HERC4: variants seen among roughly 807,000 people sequenced by gnomAD.
HERC4 encodes the protein probable E3 ubiquitin-protein ligase HERC4.
A neutral mutation model predicts 124.3 loss-of-function variants in HERC4; 28 were observed. The ratio of observed to expected loss-of-function variants is 0.23; its 90% CI spans 0.17 to 0.31. HERC4 has a LOEUF of 0.31. Ranked by LOEUF, HERC4 falls within the 10% of genes least tolerant of loss-of-function variation. The pLI is 1.00. For missense variants in HERC4, 713 were observed against 1,229.3 expected, an observed-to-expected ratio of 0.58 and a Z score of 6.28; for synonymous variants, 407 against 421.5, an observed-to-expected ratio of 0.97 and a Z score of 0.42.
chr10:68,055,947 T>C (rs191426310), intron 3 of HERC4, among the ~76,000 whole-genome samples: 2,497 of 152,114 alleles, frequency 0.016, 76 homozygotes, highest in African/African-American at 0.057. Flanking sequence ...AGGGGGGGTT[T>C]CACCATGTTG....
Position 68,034,126 on chromosome 10 carries a change from C to T in HERC4, c.524G>A (p.Cys175Tyr), listed in dbSNP as rs1417112587. The part of the protein sequence containing the change: ...KYGQLGLGTD[C>Y]KKQTSPQLLK... ...CAGCTGCGGTGAAGTTTGCTTTTTA[C>T]AGTCAGTACCTAAACCCAATTGGCC... Residue 175 changes from cysteine to tyrosine, a missense_variant, in exon 6 of 25, where the codon TGT (cysteine) becomes TAT (tyrosine). Transcript: ENST00000373700. 5.0e-6 allele frequency: 8 copies of T among 1,614,028 alleles called. No homozygotes were observed. The African/African-American group carries it at 6.7e-5, about 13-fold the overall frequency.
intron 3 of HERC4, among the ~76,000 whole-genome samples, chr10:68,053,990 T>A (rs1449235758): frequency 2.0e-5 from 3 of 152,212 alleles, no homozygotes; most frequent in Non-Finnish European, 4.4e-5. Context: ...TCATTTCAAC[T>A]CTTTAGTACA....
chr10:67,957,833 A>C lies in HERC4; in HGVS notation c.1927-857T>G, dbSNP rs979605550. Among the ~76,000 whole-genome samples the C allele has an allele frequency of 3.9e-5, 6 of 152,100 alleles. No individual in the cohort carries two copies. In the East Asian group the frequency reaches 9.7e-4, roughly 24 times the overall value. ...CTGCATTTTTTTTTCCCCCATACAGAGTCTTGCACTGATGCCGGGGCTGGA... is the reference window on the plus strand; with the variant it reads ...CTGCATTTTTTTTTCCCCCATACAGCGTCTTGCACTGATGCCGGGGCTGGA... On this transcript the variant is annotated intron_variant, in intron 16 of 24. Coordinates refer to ENST00000373700, the MANE Select transcript of HERC4 (RefSeq NM_015601.4).
Position 68,049,590 on chromosome 10 carries a change from C to CAAAAAAAAAA in HERC4, c.227-5037_227-5028dup, listed in dbSNP as rs766514516. ...TGGGTGACAGAGTGAGACACTGCCA[C>CAAAAAAAAAA]AAAAAAAAAAAAAAAAAAAAAAACA... On this transcript the variant is annotated intron_variant, in intron 3 of 24. Transcript: ENST00000373700. 8.2e-4 allele frequency among the ~76,000 whole-genome samples: 35 copies of CAAAAAAAAAA among 42,608 alleles called. 2 individuals are homozygous for CAAAAAAAAAA. The highest frequency in any genetic ancestry group is 3.9e-3 in the African/African-American group (33 of 8,524). The allele number at this position is 42,608 out of a possible 152,430, so 28.0% of individuals were successfully genotyped here.
chr10:67,971,922 A>C (rs1183724671), intron 15 of HERC4, among the ~76,000 whole-genome samples: 2 of 152,096 alleles, frequency 1.3e-5, no homozygotes, highest in Admixed American at 1.3e-4. Flanking sequence ...AACTCAATTG[A>C]TTTTCTCTAG....
At chr10:67,946,018 G>A (rs566962733) in intron 19 of HERC4, among the ~76,000 whole-genome samples, 2 of 152,102 alleles carry the variant, frequency 1.3e-5, no homozygotes, top group Non-Finnish European at 1.5e-5. Context: ...TTAGTGAGGC[G>A]GAGGTAGGCA....
At chr10:68,018,109 A>G (rs1341252873) in intron 8 of HERC4, among the ~76,000 whole-genome samples, 1 of 152,142 alleles carries the variant, frequency 6.6e-6, no homozygotes, top group African/African-American at 2.4e-5. Flanking sequence ...AAGTTCACTG[A>G]TAAACAGAAA....
At chr10:68,068,742 T>C (rs2041423794) in intron 3 of HERC4, 1 of 152,190 alleles carries the variant, frequency 6.6e-6, no homozygotes, top group Non-Finnish European at 1.5e-5. Context: ...GAACAAATAT[T>C]CTTTTACCTT....
chr10:68,063,550 TG>T, intron 3 of HERC4, among the ~76,000 whole-genome samples: 1 of 152,316 alleles, frequency 6.6e-6, no homozygotes, highest in South Asian at 2.1e-4. Context: ...ATATCTTATG[TG>T]TATAAACTTC....
At position 67,987,659 on chromosome 10, in the gene HERC4, A is replaced by G. The variant is rs541570006; in HGVS notation, c.1806+1004T>C. On this transcript the variant is annotated intron_variant, in intron 15 of 24. Coordinates refer to ENST00000373700, the MANE Select transcript of HERC4 (RefSeq NM_015601.4). ...GAAATACATGGCTATGATTTCATCA[A>G]TCAAAATGAAGAGAAATGAGTTGTT... is the stretch of plus-strand genomic sequence containing the variant. 1.4e-4 allele frequency among the ~76,000 whole-genome samples: 21 copies of G among 152,316 alleles called. No homozygotes were observed. In the South Asian group the frequency reaches 4.1e-3, roughly 30 times the overall value.
chr10:67,946,018 G>T (rs566962733), intron 19 of HERC4, among the ~76,000 whole-genome samples: 1 of 151,984 alleles, frequency 6.6e-6, no homozygotes, highest in African/African-American at 2.4e-5. Context: ...TTAGTGAGGC[G>T]GAGGTAGGCA....
rs540854192 is a variant in HERC4 at position 68,025,866 on chromosome 10, A to T, written c.778-190T>A. Among the ~76,000 whole-genome samples, 393 of 152,200 alleles carry T rather than the reference A, an allele frequency of 2.6e-3. 1 individual carries two copies. Among genetic ancestry groups the T allele is most frequent in the African/African-American group, 9.1e-3 (380 of 41,536 alleles). ...AAAACTATGAGAATTCCAGGTAATG[A>T]TGTTTTCACCGTTATAAAATATTTA... On this transcript the variant is annotated intron_variant, in intron 7 of 24. Coordinates refer to ENST00000373700, the MANE Select transcript of HERC4 (RefSeq NM_015601.4).
intron 7 of HERC4, among the ~76,000 whole-genome samples, chr10:68,032,549 TATC>T (rs898268710): frequency 6.6e-6 from 1 of 152,224 alleles, no homozygotes; most frequent in African/African-American, 2.4e-5. Flanking sequence ...AGCAATATAC[TATC>T]ATCACATATA....
At chr10:67,951,891 C>T (rs890440613) in intron 19 of HERC4, among the ~76,000 whole-genome samples, 11 of 152,244 alleles carry the variant, frequency 7.2e-5, no homozygotes, top group Admixed American at 4.6e-4. Context: ...TTTCTGCCAT[C>T]GTTTTTGGCA....
At chr10:67,983,836 G>A (rs367859078) in intron 15 of HERC4, among the ~76,000 whole-genome samples, 5 of 149,590 alleles carry the variant, frequency 3.3e-5, no homozygotes, top group African/African-American at 7.4e-5. Context: ...GGTGGTGTAC[G>A]CCTGCAATCC....
intron 20 of HERC4, 114 bp from the exon 21 acceptor site, chr10:67,939,768 T>C: frequency 2.1e-6 from 1 of 466,880 alleles, no homozygotes; most frequent in Non-Finnish European, 3.6e-6. Flanking sequence ...GTAAAATCCT[T>C]TTGTCAATTT....
At chr10:67,947,883 GTTTCACCAT>G (rs1045604833) in intron 19 of HERC4, among the ~76,000 whole-genome samples, 1 of 138,738 alleles carries the variant, frequency 7.2e-6, no homozygotes, top group Non-Finnish European at 1.5e-5. Context: ...CAGAGACGGG[GTTTCACCAT>G]GTTGGCCAGG....
At chr10:68,037,734 G>A (rs1042653365) in intron 5 of HERC4, among the ~76,000 whole-genome samples, 1 of 152,082 alleles carries the variant, frequency 6.6e-6, no homozygotes, top group Non-Finnish European at 1.5e-5. Flanking sequence ...AAGTCTAATC[G>A]AAGGTGTATA....
chr10:67,997,421 G>T (rs945402346), intron 9 of HERC4, among the ~76,000 whole-genome samples: 3 of 152,100 alleles, frequency 2.0e-5, no homozygotes, highest in Non-Finnish European at 4.4e-5. Flanking sequence ...ATCATCATCT[G>T]TATTTATTTT....
Sources: allele counts gnomAD v4.1 joint callset (sites outside exome capture counted in the v4.1 genomes callset), GRCh38; gene constraint gnomAD v4.1.1; transcripts MANE v1.5; gene names NCBI Gene and HGNC (gene_info 2026-07-23, HGNC 2026-07-21).